DIS3L2: variants seen among roughly 807,000 people sequenced by gnomAD.
The protein encoded by DIS3L2 is DIS3-like exonuclease 2.
A neutral mutation model predicts 97.5 loss-of-function variants in DIS3L2; 34 were observed. That is an observed-to-expected ratio of 0.35 (90% CI 0.27 to 0.46). The LOEUF (loss-of-function observed/expected upper bound fraction) is 0.46, where lower values mean the gene tolerates loss of function less well. Ranked by LOEUF, DIS3L2 falls within the 20% of genes least tolerant of loss-of-function variation. The pLI, the probability that DIS3L2 is intolerant of heterozygous loss-of-function variation, is 1.00. For synonymous variants in DIS3L2, 435 were observed against 445.2 expected (o/e 0.98, Z 0.29); for missense variants, 1,038 against 1,146.0 (o/e 0.91, Z 1.36).
chr2:232,147,870 G>A (rs996547003), intron 8 of DIS3L2, among the ~76,000 whole-genome samples: 2 of 152,024 alleles, frequency 1.3e-5, no homozygotes, highest in Non-Finnish European at 1.5e-5. Context: ...AAGAATTCTG[G>A]TTTTCAAGGT....
At chr2:232,310,079 T>C (rs988799373) in intron 14 of DIS3L2, among the ~76,000 whole-genome samples, 1 of 152,228 alleles carries the variant, frequency 6.6e-6, no homozygotes, top group Non-Finnish European at 1.5e-5. Flanking sequence ...TTGGAACTGA[T>C]GCCAGCTCCT....
intron 5 of DIS3L2, among the ~76,000 whole-genome samples, chr2:232,071,455 G>A (rs775168053): frequency 1.1e-4 from 16 of 151,950 alleles, no homozygotes; most frequent in Non-Finnish European, 1.3e-4. Context: ...CTGGGAGGTC[G>A]AGGCTGCAGT....
rs573031156 is a variant in DIS3L2, at chr2:232,263,399, C to A, written c.1618C>A (p.Arg540Ser). 4 of 1,614,046 alleles carry A rather than the reference C, an allele frequency of 2.5e-6. No individual in the cohort carries two copies. Among genetic ancestry groups the A allele is most frequent in the Non-Finnish European group, 2.5e-6 (3 of 1,180,046 alleles). ...TCTCCACGGAATTGCCAAGCAGTTA[C>A]GCCAGCAGCGCTTTGTGGACGGCGC... ...LNLHGIAKQLRQQRFVDGALR... is the reference protein window; with the variant it reads ...LNLHGIAKQLSQQRFVDGALR... The change falls in exon 13 of 21, where the codon CGC becomes AGC. Residue 540 changes from arginine (R) to serine (S), a missense_variant. This residue lies in a region of DIS3L2 where 813 missense variants were observed against 880.1 expected (regional missense o/e 0.92). Transcript: ENST00000325385.
At chr2:232,136,171 G>T (rs1698353497) in intron 7 of DIS3L2, among the ~76,000 whole-genome samples, 1 of 152,194 alleles carries the variant, frequency 6.6e-6, no homozygotes, top group Non-Finnish European at 1.5e-5. Flanking sequence ...AATACCTGGA[G>T]CTGTACTTCC....
chr2:232,170,897 A>G (rs1049752339), intron 9 of DIS3L2, among the ~76,000 whole-genome samples: 2 of 152,222 alleles, frequency 1.3e-5, no homozygotes, highest in Non-Finnish European at 2.9e-5. Flanking sequence ...GGAGAGTCAT[A>G]TAATACTAAC....
chr2:232,204,766 G>A (rs925682153), intron 9 of DIS3L2, among the ~76,000 whole-genome samples: 5 of 152,126 alleles, frequency 3.3e-5, no homozygotes, highest in East Asian at 1.9e-4. Context: ...ACAGTGCACC[G>A]CCTCCATCAC....
intron 1 of DIS3L2, among the ~76,000 whole-genome samples, chr2:231,983,551 G>T (rs1693319745): frequency 6.6e-6 from 1 of 152,156 alleles, no homozygotes; most frequent in South Asian, 2.1e-4. Context: ...GTTGTGAACT[G>T]CATGTGAGGG....
chr2:232,148,034 GTCCCC>G (rs1188570862), intron 8 of DIS3L2, among the ~76,000 whole-genome samples: 183 of 83,624 alleles, frequency 2.2e-3, no homozygotes, highest in African/African-American at 8.2e-3. Context: ...CTCTTCTCCT[GTCCCC>G]TCCCCTCCCC....
At chr2:232,252,698 C>A (rs539257179) in intron 12 of DIS3L2, among the ~76,000 whole-genome samples, 4 of 152,026 alleles carry the variant, frequency 2.6e-5, no homozygotes, top group Non-Finnish European at 5.9e-5. Context: ...CCCAGGAGTT[C>A]GAGATCAGCT....
At chr2:232,098,355 A>ATT (rs371321680) in intron 6 of DIS3L2, among the ~76,000 whole-genome samples, 3,123 of 138,658 alleles carry the variant, frequency 0.023, 82 homozygotes, top group African/African-American at 0.054. Flanking sequence ...GAGGTTTCTA[A>ATT]TTTTTTTTTT....
chr2:232,115,474 G>C (rs776395260), intron 6 of DIS3L2, among the ~76,000 whole-genome samples: 1 of 152,174 alleles, frequency 6.6e-6, no homozygotes, highest in Non-Finnish European at 1.5e-5. Context: ...TCAGCTCCAC[G>C]TGGGATGTTT....
In DIS3L2 at chr2:232,103,821, C is replaced by T. The variant is rs116574833; in HGVS notation, c.601+16100C>T. On this transcript the variant is annotated intron_variant, in intron 6 of 20. Coordinates refer to ENST00000325385, the MANE Select transcript of DIS3L2 (RefSeq NM_152383.5). ...TTCTTTAGTTGGCAACTTTCTCAAT[C>T]TCCGGTGATTATTGATTTCTTTAAA... 8.0e-3 allele frequency among the ~76,000 whole-genome samples: 1,225 copies of T among 152,242 alleles called. 19 individuals carry two copies. Among genetic ancestry groups the T allele is most frequent in the African/African-American group, 0.028 (1,152 of 41,548 alleles).
At chr2:232,104,427 G>A (rs1446652337) in intron 6 of DIS3L2, among the ~76,000 whole-genome samples, 1 of 151,858 alleles carries the variant, frequency 6.6e-6, no homozygotes, top group Non-Finnish European at 1.5e-5. Flanking sequence ...TTTTATTGTG[G>A]TAAAAAAAAA....
Position 232,249,444 on chromosome 2 carries a change from G to A in DIS3L2, c.1425+98G>A, listed in dbSNP as rs1367112201. On this transcript the variant is annotated intron_variant, in intron 12 of 20. Coordinates refer to ENST00000325385, the MANE Select transcript of DIS3L2 (RefSeq NM_152383.5). ...GCCTGGCACTGGCTTGGGTGCCATG[G>A]TGGTAAGACAAGGGAGGTATGGAGT... 9 of 1,279,666 alleles carry A rather than the reference G, an allele frequency of 7.0e-6. No individual in the cohort carries two copies. The East Asian group carries it at 1.5e-4, about 21-fold the overall frequency. The allele number at this position is 1,279,666 out of a possible 1,614,324, so 79.3% of individuals were successfully genotyped here. A position where few individuals can be genotyped will look rare whatever the true frequency, so the allele number is the denominator to read the frequency against.
chr2:232,249,749 T>C (rs1693367409), intron 12 of DIS3L2, among the ~76,000 whole-genome samples: 1 of 152,180 alleles, frequency 6.6e-6, no homozygotes, highest in Non-Finnish European at 1.5e-5. Context: ...GAAGTTTACA[T>C]AGGTGGGGTG....
rs575860085 is a variant in DIS3L2, at chr2:232,025,823, A to G, written c.264+1493A>G. Among the ~76,000 whole-genome samples, 16 of 152,260 alleles carry G rather than the reference A, an allele frequency of 1.1e-4. No individual in the cohort carries two copies. In the South Asian group the frequency reaches 1.5e-3, roughly 14 times the overall value. On this transcript the variant is annotated intron_variant, in intron 4 of 20. Transcript: ENST00000325385. ...TCTCTCAGTACGTCCTGCATAACCA[A>G]TGTTTTTTTCCCATAAGAAAGCATG...
At chr2:232,028,808 T>C (rs1694728564) in intron 4 of DIS3L2, among the ~76,000 whole-genome samples, 1 of 152,182 alleles carries the variant, frequency 6.6e-6, no homozygotes, top group African/African-American at 2.4e-5. Context: ...ACTACAGTCA[T>C]GTTTTGTGGC....
At chr2:232,254,466 T>C (rs1402923392) in intron 12 of DIS3L2, among the ~76,000 whole-genome samples, 1 of 150,976 alleles carries the variant, frequency 6.6e-6, no homozygotes, top group Non-Finnish European at 1.5e-5. Flanking sequence ...TGAGTAATTT[T>C]TTCTACTTTT....
chr2:232,173,303 C>T (rs1264405371), intron 9 of DIS3L2, among the ~76,000 whole-genome samples: 2 of 152,130 alleles, frequency 1.3e-5, no homozygotes, highest in African/African-American at 4.8e-5. Context: ...AGTGCGAGCT[C>T]AGCTGCAACC....
Sources: gnomAD v4.1 joint callset for allele counts (sites outside exome capture counted in the v4.1 genomes callset) on GRCh38, gnomAD v4.1.1 for gene constraint, gnomAD v4.1.1 regional missense constraint, MANE v1.5 for transcripts, NCBI Gene and HGNC (gene_info 2026-07-23, HGNC 2026-07-21) for gene names.